Variants in TEX11 observed in about 807,000 individuals in gnomAD.
The protein encoded by TEX11 is testis expressed 11, also known as testis-expressed protein 11.
In TEX11, 7 loss-of-function variants were observed where a neutral mutation model predicts 84.4. That is an observed-to-expected ratio of 0.08 (90% CI 0.05 to 0.16). The LOEUF is 0.16. Among genes scored for constraint, TEX11 ranks in the 10% least tolerant of loss-of-function variants. The pLI, the probability that TEX11 is intolerant of heterozygous loss-of-function variation, is 1.00. For missense variants in TEX11, 551 were observed against 660.5 expected, an observed-to-expected ratio of 0.83 and a Z score of 1.82; for synonymous variants, 264 against 222.8, an observed-to-expected ratio of 1.18 and a Z score of -1.64.
At chrX:70,711,326 A>G (rs1480471366) in intron 13 of TEX11, among the ~76,000 whole-genome samples, 5 of 110,889 alleles carry the variant, frequency 4.5e-5, no homozygotes, top group Non-Finnish European at 9.4e-5. Context: ...GCTGGGTCAA[A>G]TGGTATTTCT....
At chrX:70,685,892 T>C (rs2090184385) in intron 13 of TEX11, among the ~76,000 whole-genome samples, 1 of 111,972 alleles carries the variant, frequency 8.9e-6, no homozygotes, top group African/African-American at 3.2e-5. Flanking sequence ...GAAGTGTCTG[T>C]TCATATTCAT....
At chrX:70,649,380 T>C (rs1032369752) in intron 17 of TEX11, among the ~76,000 whole-genome samples, 5 of 111,832 alleles carry the variant, frequency 4.5e-5, no homozygotes, top group African/African-American at 1.6e-4. Context: ...CCAGCATCTG[T>C]TGTTTCTTGA....
intron 13 of TEX11, 132 bp downstream of exon 13, chrX:70,722,486 G>T (rs1428549985): frequency 2.2e-5 from 10 of 456,914 alleles, no homozygotes; most frequent in South Asian, 3.8e-5. Flanking sequence ...TATTGCCAAG[G>T]TTGGTCTCAA....
chrX:70,626,982 T>C (rs975504802), intron 18 of TEX11, among the ~76,000 whole-genome samples: 1 of 111,963 alleles, frequency 8.9e-6, no homozygotes, highest in Non-Finnish European at 1.9e-5. Context: ...ATAAGGATAA[T>C]GTGGTGTCCT....
intron 13 of TEX11, among the ~76,000 whole-genome samples, chrX:70,711,338 G>T (rs957426693): frequency 9.1e-6 from 1 of 110,487 alleles, no homozygotes; most frequent in African/African-American, 3.3e-5. Context: ...GGTATTTCTA[G>T]TTCTAGATCC....
intron 9 of TEX11, among the ~76,000 whole-genome samples, chrX:70,766,030 A>G (rs926660008): frequency 8.9e-6 from 1 of 112,411 alleles, no homozygotes; most frequent in African/African-American, 3.2e-5. Context: ...AATCCTATTT[A>G]CAATAGCCAC....
At chrX:70,649,313 A>T (rs2089784499) in intron 17 of TEX11, among the ~76,000 whole-genome samples, 1 of 112,097 alleles carries the variant, frequency 8.9e-6, no homozygotes, top group African/African-American at 3.2e-5. Flanking sequence ...GCTATGATTG[A>T]ACTAATTTAC....
intron 2 of TEX11, among the ~76,000 whole-genome samples, chrX:70,895,500 T>G (rs1025308699): frequency 8.9e-6 from 1 of 112,031 alleles, no homozygotes; most frequent in African/African-American, 3.2e-5. Flanking sequence ...ATTGACTTTC[T>G]TTGCAGAATT....
intron 13 of TEX11, among the ~76,000 whole-genome samples, chrX:70,690,572 G>A (rs2090225728): frequency 9.0e-6 from 1 of 110,707 alleles, no homozygotes; most frequent in Admixed American, 9.7e-5. Context: ...TGAGTGTGGT[G>A]GTGTGTGCCT....
chrX:70,816,172 T>C (rs944214192), intron 8 of TEX11, among the ~76,000 whole-genome samples: 3 of 111,081 alleles, frequency 2.7e-5, no homozygotes, highest in Non-Finnish European at 3.8e-5. Context: ...AGTGAGAACA[T>C]ACGATGTTTG....
chrX:70,580,921 T>C (rs951643630), intron 25 of TEX11, among the ~76,000 whole-genome samples: 1 of 109,235 alleles, frequency 9.2e-6, no homozygotes, highest in Non-Finnish European at 1.9e-5. Context: ...CATTAATGGA[T>C]AATCATTGGA....
intron 28 of TEX11, among the ~76,000 whole-genome samples, chrX:70,530,899 T>A (rs2087879152): frequency 8.9e-6 from 1 of 111,770 alleles, no homozygotes; most frequent in African/African-American, 3.2e-5. Context: ...AGGTATGTGA[T>A]TAAGAGACAC....
intron 5 of TEX11, among the ~76,000 whole-genome samples, chrX:70,858,549 G>A (rs1362932345): frequency 3.6e-5 from 4 of 109,979 alleles, no homozygotes; most frequent in Non-Finnish European, 7.6e-5. Flanking sequence ...ATGTGTAGGG[G>A]TACATTTACA....
At chrX:70,853,739 T>G (rs888516704) in intron 5 of TEX11, among the ~76,000 whole-genome samples, 1 of 112,355 alleles carries the variant, frequency 8.9e-6, no homozygotes, top group Non-Finnish European at 1.9e-5. Context: ...AACAAATGTT[T>G]ATTAAGTACC....
At chrX:70,760,439 G>A (rs1383788197) in intron 9 of TEX11, among the ~76,000 whole-genome samples, 1 of 111,064 alleles carries the variant, frequency 9.0e-6, no homozygotes, top group Non-Finnish European at 1.9e-5. Flanking sequence ...GAACAGAACA[G>A]AGGCTTCAGA....
intron 9 of TEX11, among the ~76,000 whole-genome samples, chrX:70,785,921 A>C (rs2091075668): frequency 8.9e-6 from 1 of 112,107 alleles, no homozygotes; most frequent in Non-Finnish European, 1.9e-5. Context: ...CGATTCCTCA[A>C]GGATCTAGAA....
In TEX11 at chrX:70,678,659, CTA is replaced by C. The variant is rs938054532; in HGVS notation, c.1242+143_1242+144del. The C allele has an allele frequency of 3.7e-4, 177 of 483,243 alleles. 2 individuals carry two copies. Among genetic ancestry groups the C allele is most frequent in the Admixed American group, 2.4e-4 (6 of 24,569 alleles). 39.8% of individuals were successfully genotyped at this position (483,243 alleles called of 1,213,427 possible). On this transcript the variant is annotated intron_variant, in intron 15 of 29. Transcript: ENST00000374333. ...CTCTTGCACAATGCTCATTAACACT[CTA>C]TATTGTGAATATTTAATAAATATAT...
chrX:70,861,353 G>C (rs767030090), intron 4 of TEX11, among the ~76,000 whole-genome samples: 2 of 109,335 alleles, frequency 1.8e-5, no homozygotes, highest in Admixed American at 9.8e-5. Flanking sequence ...GAGCCACTGC[G>C]CCCGGCCTGT....
In TEX11 at chrX:70,610,514, C is replaced by T. The variant is rs200375710; in HGVS notation, c.1781G>A (p.Cys594Tyr). 5.3e-5 allele frequency: 64 copies of T among 1,205,491 alleles called. 1 individual carries two copies. The East Asian group carries it at 1.9e-3, about 35-fold the overall frequency. Residue 594 changes from cysteine (C) to tyrosine (Y), a missense_variant, in exon 21 of 30, where the codon TGC (cysteine) becomes TAC (tyrosine). Transcript: ENST00000374333. ...AGGGAGATATTTACCTCTATTCAGGCAAGTCAAAAGTCGATCCATTTCTTT... is the reference window on the plus strand; with the variant it reads ...AGGGAGATATTTACCTCTATTCAGGTAAGTCAAAAGTCGATCCATTTCTTT... ...KKKEMDRLLT[C>Y]LNRAFVKLSQ...
Sources: allele counts gnomAD v4.1 joint callset (sites outside exome capture counted in the v4.1 genomes callset), GRCh38; gene constraint gnomAD v4.1.1; transcripts MANE v1.5; gene names NCBI Gene and HGNC (gene_info 2026-07-23, HGNC 2026-07-21).